The following SPEF2 variants were observed in gnomAD, a reference collection of about 807,000 sequenced individuals.
SPEF2 encodes the protein sperm flagella and cilia-associated protein 2.
In SPEF2, 187 loss-of-function variants were observed where a neutral mutation model predicts 224.6. The ratio of observed to expected loss-of-function variants is 0.83; its 90% CI spans 0.74 to 0.94. SPEF2 has a LOEUF of 0.94. SPEF2 is among the 40% of genes least tolerant of loss of function. The pLI, the probability that SPEF2 is intolerant of heterozygous loss-of-function variation, is 0.00. For synonymous variants in SPEF2, 715 were observed against 707.3 expected (o/e 1.01, Z -0.17); for missense variants, 2,170 against 2,135.6 (o/e 1.02, Z -0.32).
chr5:35,708,623 C>CCATCACCAT (rs1388219722), intron 18 of SPEF2, among the ~76,000 whole-genome samples: 1 of 23,824 alleles, frequency 4.2e-5, no homozygotes, highest in Non-Finnish European at 9.5e-5. Context: ...ACCTCTACCT[C>CCATCACCAT]CACCACCATC....
chr5:35,641,649 G>T lies in SPEF2; in HGVS notation c.380G>T (p.Arg127Ile), dbSNP rs780946686. 1.9e-6 allele frequency: 3 copies of T among 1,613,224 alleles called. No homozygotes were observed. In the African/African-American group the frequency reaches 4.0e-5, roughly 22 times the overall value. ...ACCATGCAACGTCTGACAAATTTAAGACTTCAAAACATGAAAAGTGATACT... is the reference window on the plus strand; with the variant it reads ...ACCATGCAACGTCTGACAAATTTAATACTTCAAAACATGAAAAGTGATACT... ...MQTMQRLTNL[R>I]LQNMKSDTFQ... Residue 127 changes from arginine (R) to isoleucine (I), a missense_variant, in exon 3 of 37, where the codon AGA becomes ATA. Transcript: ENST00000356031.
chr5:35,762,411 G>A (rs1224401977), intron 25 of SPEF2, among the ~76,000 whole-genome samples: 1 of 152,192 alleles, frequency 6.6e-6, no homozygotes, highest in Non-Finnish European at 1.5e-5. Flanking sequence ...AGTCAAACTG[G>A]AGTGACAGTG....
intron 3 of SPEF2, among the ~76,000 whole-genome samples, chr5:35,643,830 T>C (rs984735065): frequency 1.3e-5 from 2 of 152,158 alleles, no homozygotes; most frequent in African/African-American, 4.8e-5. Context: ...ACTTTCATTA[T>C]TCCCATTTTA....
At chr5:35,735,681 G>A (rs895800411) in intron 21 of SPEF2, among the ~76,000 whole-genome samples, 1 of 152,130 alleles carries the variant, frequency 6.6e-6, no homozygotes, top group Non-Finnish European at 1.5e-5. Flanking sequence ...GGAATAATGA[G>A]TACAGCAAGA....
At chr5:35,717,688 CCA>C (rs1217952048) in intron 20 of SPEF2, among the ~76,000 whole-genome samples, 8 of 152,162 alleles carry the variant, frequency 5.3e-5, no homozygotes, top group Non-Finnish European at 5.9e-5. Flanking sequence ...AGTTTGAATC[CCA>C]GTTTCCACAC....
intron 6 of SPEF2, among the ~76,000 whole-genome samples, chr5:35,653,440 G>A (rs975463611): frequency 6.6e-6 from 1 of 152,150 alleles, no homozygotes; most frequent in African/African-American, 2.4e-5. Context: ...CATAGATGAT[G>A]GAAGAGTGTA....
At chr5:35,789,558 G>A in intron 30 of SPEF2, 1 of 653,796 alleles carries the variant, frequency 1.5e-6, no homozygotes, top group East Asian at 2.7e-5. Context: ...CTGCCTCAGA[G>A]GGAAAGAAAA....
intron 24 of SPEF2, 86 bp downstream of exon 24, chr5:35,753,847 T>C (rs1750050480): frequency 1.3e-6 from 2 of 1,544,008 alleles, no homozygotes; most frequent in South Asian, 2.3e-5. Flanking sequence ...CTTGGGAATA[T>C]GAGAGGTCTG....
intron 30 of SPEF2, among the ~76,000 whole-genome samples, chr5:35,785,679 G>A (rs1197958150): frequency 6.6e-6 from 1 of 150,514 alleles, no homozygotes; most frequent in African/African-American, 2.4e-5. Flanking sequence ...GACTACAGGT[G>A]CCTGCAAGCA....
chr5:35,754,129 A>G (rs1750095937), intron 24 of SPEF2, among the ~76,000 whole-genome samples: 1 of 152,206 alleles, frequency 6.6e-6, no homozygotes, highest in Non-Finnish European at 1.5e-5. Context: ...GGCCACAACA[A>G]GCATAGGCAA....
intron 24 of SPEF2, among the ~76,000 whole-genome samples, chr5:35,756,229 C>A (rs1750420205): frequency 6.6e-6 from 1 of 152,162 alleles, no homozygotes; most frequent in Non-Finnish European, 1.5e-5. Context: ...ATCTGTTAGT[C>A]ACTTAGTAGC....
chr5:35,724,736 A>C (rs951086580), intron 20 of SPEF2, among the ~76,000 whole-genome samples: 5 of 152,156 alleles, frequency 3.3e-5, no homozygotes, highest in Admixed American at 3.3e-4. Context: ...TGGCTATTAT[A>C]AAGAATAAGT....
In SPEF2 at chr5:35,709,077, A is replaced by G. The variant is rs755591989; in HGVS notation, c.2795A>G (p.His932Arg). Residue 932 changes from histidine (H) to arginine (R), a missense_variant, in exon 19 of 37, where the codon CAT (histidine) becomes CGT (arginine). Coordinates refer to ENST00000356031, the MANE Select transcript of SPEF2 (RefSeq NM_024867.4). ...AAAGAGAAGGAAATTCATCAAAGCC[A>G]TGTGGCTTCAAAAACTCCTACTGCA... ...PEKEKEIHQS[H>R]VASKTPTAKG... The G allele has an allele frequency of 1.3e-5, 21 of 1,613,802 alleles. No individual in the cohort carries two copies. Among genetic ancestry groups the G allele is most frequent in the Non-Finnish European group, 1.8e-5 (21 of 1,179,964 alleles).
chr5:35,704,081 T>C (rs1272898362), intron 16 of SPEF2, among the ~76,000 whole-genome samples: 1 of 152,198 alleles, frequency 6.6e-6, no homozygotes, highest in Non-Finnish European at 1.5e-5. Context: ...TCTTTGGGTC[T>C]ATTCCTTTAT....
In SPEF2 at chr5:35,776,327, A is replaced by G. The variant is rs1753607230; in HGVS notation, c.4149A>G (p.Thr1383=). 3.1e-6 allele frequency: 5 copies of G among 1,613,072 alleles called. No homozygotes were observed. The highest frequency in any genetic ancestry group is 3.4e-6 in the Non-Finnish European group (4 of 1,179,510). ...KALALLEDLV[T]KVVDVYKLME... ...TGGCTCTTCTTGAAGATTTAGTAAC[A>G]AAGGTGGTTGATGTATATAAACTCA... Residue 1383 remains threonine (T), a synonymous_variant, in exon 29 of 37, where the codon ACA becomes ACG. Transcript: ENST00000356031.
At chr5:35,749,480 G>C (rs1323185883) in intron 23 of SPEF2, among the ~76,000 whole-genome samples, 1 of 151,934 alleles carries the variant, frequency 6.6e-6, no homozygotes, top group African/African-American at 2.4e-5. Flanking sequence ...AAAGCTCCTA[G>C]AACTGATTAA....
intron 21 of SPEF2, among the ~76,000 whole-genome samples, chr5:35,737,664 C>T (rs1441468554): frequency 2.6e-5 from 4 of 152,070 alleles, no homozygotes; most frequent in Non-Finnish European, 5.9e-5. Context: ...AATAGTGCCG[C>T]AATAAACATA....
At chr5:35,813,759 A>G (rs1269322120) in intron 36 of SPEF2, among the ~76,000 whole-genome samples, 1 of 152,152 alleles carries the variant, frequency 6.6e-6, no homozygotes, top group Admixed American at 6.5e-5. Flanking sequence ...TCACAGTCAA[A>G]TTGAAGCCTT....
chr5:35,664,104 A>G (rs553114760), intron 8 of SPEF2, among the ~76,000 whole-genome samples: 114 of 152,260 alleles, frequency 7.5e-4, no homozygotes, highest in African/African-American at 2.6e-3. Context: ...AGCTCCATGC[A>G]TATGCCCCTT....
Sources: allele counts gnomAD v4.1 joint callset (sites outside exome capture counted in the v4.1 genomes callset), GRCh38; gene constraint gnomAD v4.1.1; transcripts MANE v1.5; gene names NCBI Gene and HGNC (gene_info 2026-07-23, HGNC 2026-07-21).